KIRREL3: variants seen among roughly 807,000 people sequenced by gnomAD.
KIRREL3 encodes the protein kirre like nephrin family adhesion molecule 3.
Under a neutral mutation model 89.7 loss-of-function variants are expected in KIRREL3, and 36 were observed. The ratio of observed to expected loss-of-function variants is 0.40; its 90% CI spans 0.31 to 0.53. KIRREL3 has a LOEUF of 0.53. Ranked by LOEUF, KIRREL3 falls within the 20% of genes least tolerant of loss-of-function variation. KIRREL3 has a pLI of 0.49. For missense variants in KIRREL3, 864 were observed against 1,056.6 expected (o/e 0.82, Z 2.53); for synonymous variants, 445 against 441.4 (o/e 1.01, Z -0.10).
At chr11:126,786,565 T>A (rs1177577366) in intron 1 of KIRREL3, among the ~76,000 whole-genome samples, 5 of 151,966 alleles carry the variant, frequency 3.3e-5, no homozygotes, top group African/African-American at 1.2e-4. Flanking sequence ...CTGGAAAAAA[T>A]AGTGTAATGG....
Position 126,520,141 on chromosome 11 carries a change from T to C in KIRREL3, c.433+1174A>G, listed in dbSNP as rs1012099897. ...ATCTGCCCTGGTGTCTTTGGCCATG[T>C]AGATCTGAAGATAACCTGACATGCT... On this transcript the variant is annotated intron_variant, in intron 4 of 16. Coordinates refer to ENST00000525144, the MANE Select transcript of KIRREL3 (RefSeq NM_032531.4). This position sits in a 1 kb window ranked among gnomAD's most constrained non-coding sequence, Gnocchi z 4.9. 2.0e-5 allele frequency among the ~76,000 whole-genome samples: 3 copies of C among 152,214 alleles called. No individual in the cohort carries two copies. The highest frequency in any genetic ancestry group is 4.1e-4 in the South Asian group (2 of 4,836).
At position 126,651,192 on chromosome 11, in the gene KIRREL3, A is replaced by G. The variant is rs11220570; in HGVS notation, c.56-88280T>C. On this transcript the variant is annotated intron_variant, in intron 1 of 16. Coordinates refer to ENST00000525144, the MANE Select transcript of KIRREL3 (RefSeq NM_032531.4). The surrounding 1 kb of genome is among the most constrained non-coding windows in gnomAD (Gnocchi z 4.6). ...GAAAAGAACTGCAATCCACGTCTAA[A>G]TGAGAAAATGGTTCCTTGCTATAGG... Among the ~76,000 whole-genome samples the G allele has an allele frequency of 0.12, 17,732 of 152,264 alleles. 2,331 individuals are homozygous for G. The highest frequency in any genetic ancestry group is 0.32 in the African/African-American group (13,463 of 41,512).
In KIRREL3 at chr11:126,877,104, C is replaced by T. The variant is rs1945320871; in HGVS notation, c.55+123351G>A. Among the ~76,000 whole-genome samples the T allele has an allele frequency of 6.6e-6, 1 of 152,178 alleles. No homozygotes were observed. Among genetic ancestry groups the T allele is most frequent in the African/African-American group, 2.4e-5 (1 of 41,446 alleles). On this transcript the variant is annotated intron_variant, in intron 1 of 16. Transcript: ENST00000525144. This position sits in a 1 kb window ranked among gnomAD's most constrained non-coding sequence, Gnocchi z 4.9. ...ACCTCTTGCAGGGCGACGAGGAGAT[C>T]TGACAGATGTTCCAAATGAGAAAGA...
At chr11:126,850,968 T>C (rs951450875) in intron 1 of KIRREL3, among the ~76,000 whole-genome samples, 4 of 152,106 alleles carry the variant, frequency 2.6e-5, no homozygotes, top group African/African-American at 7.2e-5. Context: ...TTAACTCCAA[T>C]CAAGTAAGAG....
intron 1 of KIRREL3, among the ~76,000 whole-genome samples, chr11:126,759,652 GTAGCTACAATTATATTGT>G (rs1198061756): frequency 6.6e-6 from 1 of 152,214 alleles, no homozygotes; most frequent in African/African-American, 2.4e-5. Flanking sequence ...CTCATTAGCT[GTAGCTACAATTATATTGT>G]TAGAGAAGGT....
rs1274376670 is a variant in KIRREL3, at chr11:126,923,162, TTCTTCTTCTTCTTC to T, written c.55+77279_55+77292del. On this transcript the variant is annotated intron_variant, in intron 1 of 16. Transcript: ENST00000525144. ...CTTCTTCTTCTTCTTCTTCTTCTTC[TTCTTCTTCTTCTTC>T]TCTTCTTCTTCTCTTCTTCTTCTTC... 3.0e-4 allele frequency among the ~76,000 whole-genome samples: 7 copies of T among 23,596 alleles called. 3 individuals are homozygous for T. The highest frequency in any genetic ancestry group is 1.8e-3 in the African/African-American group (7 of 3,952). 15.5% of individuals were successfully genotyped at this position (23,596 alleles called of 152,430 possible).
chr11:126,716,256 CTT>C (rs1237997763), intron 1 of KIRREL3, among the ~76,000 whole-genome samples: 1 of 152,092 alleles, frequency 6.6e-6, no homozygotes, highest in Non-Finnish European at 1.5e-5. Flanking sequence ...TTTTGAAACT[CTT>C]AAACTAAGAA....
In KIRREL3 at chr11:126,557,197, C is replaced by T. The variant is rs1185603878; in HGVS notation, c.133+5638G>A. 3.3e-5 allele frequency among the ~76,000 whole-genome samples: 5 copies of T among 152,192 alleles called. No homozygotes were observed. The highest frequency in any genetic ancestry group is 5.9e-5 in the Non-Finnish European group (4 of 68,048). On this transcript the variant is annotated intron_variant, in intron 2 of 16. Transcript: ENST00000525144. This position sits in a 1 kb window ranked among gnomAD's most constrained non-coding sequence, Gnocchi z 5.6. ...CCTCTGCCCTGAGAAAAGCACAGCTCATCCCACAGGCCTGCCCGACTCTTT... is the reference window on the plus strand; with the variant it reads ...CCTCTGCCCTGAGAAAAGCACAGCTTATCCCACAGGCCTGCCCGACTCTTT...
intron 1 of KIRREL3, among the ~76,000 whole-genome samples, chr11:126,657,983 A>G (rs980256970): frequency 6.6e-6 from 1 of 152,198 alleles, no homozygotes; most frequent in African/African-American, 2.4e-5. Flanking sequence ...TCAGTTTCAC[A>G]GAGAAGATGG....
intron 8 of KIRREL3, 93 bp from the exon 9 acceptor site, chr11:126,446,979 T>G (rs1955844991): frequency 6.8e-7 from 1 of 1,472,408 alleles, no homozygotes; most frequent in Non-Finnish European, 9.2e-7. Flanking sequence ...AGACCTTGAC[T>G]GGGGGGAGGC....
chr11:127,000,772 G>T (rs1346317182), upstream of KIRREL3: 2 of 496,248 alleles, frequency 4.0e-6, no homozygotes, highest in East Asian at 3.3e-5. The surrounding 1 kb of genome is among the most constrained non-coding windows in gnomAD (Gnocchi z 7.1). Flanking sequence ...CCATTCTCTG[G>T]CTCTTGGCAT....
In KIRREL3 at chr11:126,739,083, C is replaced by A. The variant is rs1232104685; in HGVS notation, c.56-176171G>T. On this transcript the variant is annotated intron_variant, in intron 1 of 16. Coordinates refer to ENST00000525144, the MANE Select transcript of KIRREL3 (RefSeq NM_032531.4). This position sits in a 1 kb window ranked among gnomAD's most constrained non-coding sequence, Gnocchi z 5.5. ...TGAAGAAACTGGCTTTCAGAGAGAC[C>A]AAGTAACTTGCTCAAGGCCACACAG... 1.3e-5 allele frequency among the ~76,000 whole-genome samples: 2 copies of A among 152,146 alleles called. No homozygotes were observed. The highest frequency in any genetic ancestry group is 6.5e-5 in the Admixed American group (1 of 15,282).
At position 126,689,547 on chromosome 11, in the gene KIRREL3, G is replaced by C. The variant is rs912103187; in HGVS notation, c.56-126635C>G. 6.6e-6 allele frequency among the ~76,000 whole-genome samples: 1 copy of C among 152,148 alleles called. No homozygotes were observed. The highest frequency in any genetic ancestry group is 1.5e-5 in the Non-Finnish European group (1 of 68,030). On this transcript the variant is annotated intron_variant, in intron 1 of 16. Transcript: ENST00000525144. This position sits in a 1 kb window ranked among gnomAD's most constrained non-coding sequence, Gnocchi z 5.2. Reference sequence around the variant, plus strand: ...TTTCCAGCTGCCTTCTTGTCACCTGGCTCTACCTTACCTTGACACTCCCAA... The same window carrying C: ...TTTCCAGCTGCCTTCTTGTCACCTGCCTCTACCTTACCTTGACACTCCCAA...
chr11:126,444,888 C>T lies in KIRREL3; in HGVS notation c.1252+91G>A, dbSNP rs140877167. ...AGGTGACAGCAAGGCCCAGAGCCAGCGACAGCTCCTTTGGGGCTATGCCTG... is the reference window on the plus strand; with the variant it reads ...AGGTGACAGCAAGGCCCAGAGCCAGTGACAGCTCCTTTGGGGCTATGCCTG... On this transcript the variant is annotated intron_variant, in intron 10 of 16. Coordinates refer to ENST00000525144, the MANE Select transcript of KIRREL3 (RefSeq NM_032531.4). 1.2e-4 allele frequency: 180 copies of T among 1,548,810 alleles called. 1 individual carries two copies. Among genetic ancestry groups the T allele is most frequent in the East Asian group, 3.6e-4 (16 of 44,100 alleles).
chr11:126,926,788 G>GA (rs5795537), intron 1 of KIRREL3, among the ~76,000 whole-genome samples: 2,871 of 152,238 alleles, frequency 0.019, 102 homozygotes, highest in East Asian at 0.13. Context: ...AGAGGGCGCG[G>GA]AAAAAATGAA....
At position 126,605,776 on chromosome 11, in the gene KIRREL3, A is replaced by G. The variant is rs1942864629; in HGVS notation, c.56-42864T>C. Among the ~76,000 whole-genome samples the G allele has an allele frequency of 6.6e-6, 1 of 152,170 alleles. No individual in the cohort carries two copies. The highest frequency in any genetic ancestry group is 1.5e-5 in the Non-Finnish European group (1 of 68,032). ...ATGGGGTGGGGAAAGCATGGGGCAT[A>G]TGGGTAGAGAGTGAGGTCTGGAGGG... On this transcript the variant is annotated intron_variant, in intron 1 of 16. Transcript: ENST00000525144. This position sits in a 1 kb window ranked among gnomAD's most constrained non-coding sequence, Gnocchi z 5.7.
intron 1 of KIRREL3, among the ~76,000 whole-genome samples, chr11:126,717,168 C>A (rs544522355): frequency 6.6e-6 from 1 of 152,340 alleles, no homozygotes; most frequent in Admixed American, 6.5e-5. Flanking sequence ...ACCTTCAAGG[C>A]TGTCCTCGCT....
At chr11:126,552,312 T>G (rs1939328522) in intron 2 of KIRREL3, among the ~76,000 whole-genome samples, 1 of 152,176 alleles carries the variant, frequency 6.6e-6, no homozygotes, top group Non-Finnish European at 1.5e-5. Flanking sequence ...GAAGGTTACG[T>G]AAGTTCCAAA....
intron 1 of KIRREL3, among the ~76,000 whole-genome samples, chr11:126,644,448 G>A (rs572933946): frequency 3.9e-5 from 6 of 152,346 alleles, no homozygotes; most frequent in South Asian, 2.1e-4. Flanking sequence ...GTTTTGAGTC[G>A]TGCATTTCAA....
Sources: allele counts gnomAD v4.1 joint callset (sites outside exome capture counted in the v4.1 genomes callset), GRCh38; gene constraint gnomAD v4.1.1; non-coding constraint Gnocchi (gnomAD v3.1); transcripts MANE v1.5; gene names NCBI Gene and HGNC (gene_info 2026-07-23, HGNC 2026-07-21).